The following HIVEP3 variants were observed in gnomAD, a reference collection of about 807,000 sequenced individuals.
The protein encoded by HIVEP3 is HIVEP zinc finger 3, also known as transcription factor HIVEP3.
Under a neutral mutation model 152.8 loss-of-function variants are expected in HIVEP3, and 49 were observed. That is an observed-to-expected ratio of 0.32 (90% CI 0.26 to 0.41). HIVEP3 has a LOEUF of 0.41. HIVEP3 is among the 10% of genes least tolerant of loss of function. The pLI, the probability that HIVEP3 is intolerant of heterozygous loss-of-function variation, is 1.00. For missense variants in HIVEP3, 2,790 were observed against 3,103.3 expected (o/e 0.90, Z 2.40); for synonymous variants, 1,269 against 1,289.0 (o/e 0.98, Z 0.33).
intron 1 of HIVEP3, among the ~76,000 whole-genome samples, chr1:41,726,856 G>A (rs1280912847): frequency 6.6e-6 from 1 of 152,218 alleles, no homozygotes; most frequent in Non-Finnish European, 1.5e-5. Flanking sequence ...TGAGTGCCTG[G>A]TGGCTGGCAG....
intron 1 of HIVEP3, among the ~76,000 whole-genome samples, chr1:41,818,779 C>A (rs573949497): frequency 2.0e-5 from 3 of 152,144 alleles, no homozygotes; most frequent in Admixed American, 2.0e-4. Flanking sequence ...TGGTTCTCTC[C>A]CCCTTGTGCA....
chr1:42,026,727 G>T (rs1645584572), intron 1 of HIVEP3, among the ~76,000 whole-genome samples: 1 of 152,026 alleles, frequency 6.6e-6, no homozygotes, highest in African/African-American at 2.4e-5. Flanking sequence ...ATGGCAGCCT[G>T]CCTATATGAT....
rs140899695 is a variant in HIVEP3 at position 41,573,317 on chromosome 1, A to G, written c.5207+2227T>C. Among the ~76,000 whole-genome samples the G allele has an allele frequency of 9.6e-3, 1,457 of 152,280 alleles. 25 individuals are homozygous for G. The highest frequency in any genetic ancestry group is 0.033 in the African/African-American group (1,375 of 41,548). ...TCTCTGGCCTCGTCCCTGAAATGCC[A>G]GTTATGTGGCAACCAAAATGCCCTC... is the stretch of plus-strand genomic sequence containing the variant. On this transcript the variant is annotated intron_variant, in intron 5 of 8. Coordinates refer to ENST00000372583, the MANE Select transcript of HIVEP3 (RefSeq NM_024503.5).
rs772800995 is a variant in HIVEP3, at chr1:41,581,915, A to G, written c.2883T>C (p.Ser961=). ...RDDHGKAEAP[S]PSSDMRPKPL... is the part of the protein sequence containing the mutation. The stretch of plus-strand genomic sequence containing the variant: ...GTTTGGGGCGCATGTCAGATGAGGG[A>G]CTGGGGGCCTCGGCTTTCCCATGGT... The change falls in exon 4 of 9, where the codon AGT becomes AGC. Residue 961 remains serine (S), a synonymous_variant. Coordinates refer to ENST00000372583, the MANE Select transcript of HIVEP3 (RefSeq NM_024503.5). The surrounding 1 kb of genome is among the most constrained non-coding windows in gnomAD (Gnocchi z 4.5). 9.9e-5 allele frequency: 159 copies of G among 1,613,858 alleles called. No individual in the cohort carries two copies. The highest frequency in any genetic ancestry group is 1.2e-4 in the Non-Finnish European group (145 of 1,179,998).
chr1:41,511,666 A>T lies in HIVEP3; in HGVS notation c.6406-400T>A, dbSNP rs1320903748. Among the ~76,000 whole-genome samples the T allele has an allele frequency of 6.6e-6, 1 of 152,134 alleles. No individual in the cohort carries two copies. The highest frequency in any genetic ancestry group is 1.5e-5 in the Non-Finnish European group (1 of 68,030). On this transcript the variant is annotated intron_variant, in intron 8 of 8. Coordinates refer to ENST00000372583, the MANE Select transcript of HIVEP3 (RefSeq NM_024503.5). The surrounding 1 kb of genome is among the most constrained non-coding windows in gnomAD (Gnocchi z 4.9). ...GCTTCACTCTTGGACATGAGTTCCC[A>T]CCTGAGGCTCTTTGCCCTTCTGCTA...
At chr1:41,525,054 G>A (rs1569722122) in intron 5 of HIVEP3, 144 bp from the exon 6 acceptor site, 1 of 756,998 alleles carries the variant, frequency 1.3e-6, no homozygotes, top group African/African-American at 1.8e-5. Flanking sequence ...AGGACCACGA[G>A]AGTGGGAGGA....
At chr1:41,531,432 ATGG>A in intron 5 of HIVEP3, among the ~76,000 whole-genome samples, 1 of 110,124 alleles carries the variant, frequency 9.1e-6, no homozygotes, top group East Asian at 3.9e-4. Flanking sequence ...GACAGGGGAG[ATGG>A]AAGACAGGGG....
chr1:41,676,153 C>G (rs1203436844), intron 2 of HIVEP3, among the ~76,000 whole-genome samples: 3 of 152,040 alleles, frequency 2.0e-5, no homozygotes, highest in African/African-American at 7.2e-5. Context: ...CCAGGCTCAA[C>G]TGATTCTCCT....
intron 6 of HIVEP3, among the ~76,000 whole-genome samples, chr1:41,522,451 G>A (rs1195013186): frequency 1.3e-5 from 2 of 152,232 alleles, no homozygotes; most frequent in Admixed American, 6.5e-5. Context: ...GAACAGTTGA[G>A]GAAGAGCTCA....
At chr1:41,725,802 T>C (rs1369400623) in intron 1 of HIVEP3, among the ~76,000 whole-genome samples, 1 of 152,198 alleles carries the variant, frequency 6.6e-6, no homozygotes, top group East Asian at 1.9e-4. Flanking sequence ...GAGAGATGAG[T>C]TGACCAGTCC....
At chr1:41,672,196 C>A (rs1278946401) in intron 2 of HIVEP3, among the ~76,000 whole-genome samples, 2 of 152,192 alleles carry the variant, frequency 1.3e-5, no homozygotes, top group Non-Finnish European at 2.9e-5. Flanking sequence ...TCCTTTGGGG[C>A]CCTCCCCACC....
intron 1 of HIVEP3, among the ~76,000 whole-genome samples, chr1:41,779,765 G>A (rs927980803): frequency 1.3e-5 from 2 of 152,186 alleles, no homozygotes; most frequent in Non-Finnish European, 2.9e-5. Flanking sequence ...CCAAAGTGCT[G>A]GGATTAAAGG....
intron 1 of HIVEP3, among the ~76,000 whole-genome samples, chr1:41,740,202 G>A (rs6686740): frequency 0.07 from 10,608 of 152,222 alleles, 1,254 homozygotes; most frequent in African/African-American, 0.24. Flanking sequence ...CTGCCTCCCC[G>A]GCCACCACCA....
intron 1 of HIVEP3, among the ~76,000 whole-genome samples, chr1:41,833,722 T>G (rs1643033437): frequency 6.6e-6 from 1 of 152,176 alleles, no homozygotes; most frequent in Non-Finnish European, 1.5e-5. Context: ...GAAGCACGCC[T>G]GAGCCCACAG....
At chr1:41,851,449 C>G (rs553163957) in intron 1 of HIVEP3, among the ~76,000 whole-genome samples, 1 of 151,880 alleles carries the variant, frequency 6.6e-6, no homozygotes, top group African/African-American at 2.4e-5. Context: ...TCTACAGGCA[C>G]GTGCCACCAC....
At chr1:41,524,686 G>A (rs747491303) in intron 6 of HIVEP3, 49 bp downstream of exon 6, 2 of 1,554,464 alleles carry the variant, frequency 1.3e-6, no homozygotes, top group Non-Finnish European at 1.8e-6. Context: ...TCCCAGAGGG[G>A]AGCTCCCTGC....
At chr1:41,907,559 G>A (rs773476246) in intron 1 of HIVEP3, among the ~76,000 whole-genome samples, 10 of 152,212 alleles carry the variant, frequency 6.6e-5, no homozygotes, top group South Asian at 2.1e-4. Context: ...GGAAAAGAAC[G>A]TGAGACTGGC....
At chr1:41,992,044 A>C (rs1486564102) in intron 1 of HIVEP3, among the ~76,000 whole-genome samples, 1 of 149,890 alleles carries the variant, frequency 6.7e-6, no homozygotes, top group Non-Finnish European at 1.5e-5. Context: ...CCAATATCAT[A>C]CTGAATGGGC....
At position 41,580,228 on chromosome 1, in the gene HIVEP3, T is replaced by C. The variant is rs1644381452; in HGVS notation, c.4570A>G (p.Thr1524Ala). ...PLPHPALSHG[T>A]APGSEALKEY... ...TTCAAAGCTTCTGAGCCTGGGGCTG[T>C]CCCATGGGACAATGCAGGGTGAGGG... Residue 1524 changes from threonine (T) to alanine (A), a missense_variant, in exon 4 of 9, where the codon ACA (threonine) becomes GCA (alanine). Thr to Ala is a moderately conservative substitution (Grantham distance 58, BLOSUM62 0). Transcript: ENST00000372583. 6.2e-7 allele frequency: 1 copy of C among 1,612,872 alleles called. No individual in the cohort carries two copies. The highest frequency in any genetic ancestry group is 1.7e-5 in the Admixed American group (1 of 59,908).
Sources: allele counts gnomAD v4.1 joint callset (sites outside exome capture counted in the v4.1 genomes callset), GRCh38; gene constraint gnomAD v4.1.1; non-coding constraint Gnocchi (gnomAD v3.1); transcripts MANE v1.5; gene names NCBI Gene and HGNC (gene_info 2026-07-23, HGNC 2026-07-21).